The following DACH2 variants were observed in gnomAD, a reference collection of about 807,000 sequenced individuals.
The protein encoded by DACH2 is dachshund family transcription factor 2, also known as dachshund homolog 2.
DACH2 carries 17 observed loss-of-function variants against 35.8 expected under a neutral mutation model. The ratio of observed to expected loss-of-function variants is 0.48; its 90% CI spans 0.33 to 0.71. The LOEUF (loss-of-function observed/expected upper bound fraction) is 0.71. Among genes scored for constraint, DACH2 ranks in the 30% least tolerant of loss-of-function variants. The probability of loss-of-function intolerance (pLI) is 0.02; values close to 1 mark genes in which losing one functional copy is unlikely to be tolerated. For synonymous variants in DACH2, 195 were observed against 177.3 expected (o/e 1.10, Z -0.79); for missense variants, 469 against 472.7 (o/e 0.99, Z 0.07).
chrX:86,401,371 A>ACTGCACCCACTGTC (rs2036426114), intron 2 of DACH2, among the ~76,000 whole-genome samples: 1 of 111,468 alleles, frequency 9.0e-6, no homozygotes, highest in Non-Finnish European at 1.9e-5. Flanking sequence ...TGCACGGTGC[A>ACTGCACCCACTGTC]CTGCACCCAC....
At chrX:86,446,241 C>A (rs188667619) in intron 2 of DACH2, among the ~76,000 whole-genome samples, 1 of 107,591 alleles carries the variant, frequency 9.3e-6, no homozygotes, top group Non-Finnish European at 1.9e-5. Context: ...TTTGTCCTTA[C>A]CTATTAATTC....
chrX:86,392,129 T>A (rs906195726), intron 2 of DACH2, among the ~76,000 whole-genome samples: 3 of 111,549 alleles, frequency 2.7e-5, no homozygotes, highest in Non-Finnish European at 3.8e-5. Flanking sequence ...ATTAATTTTA[T>A]ATTTGTTTTC....
intron 2 of DACH2, among the ~76,000 whole-genome samples, chrX:86,422,724 C>T (rs893069514): frequency 1.8e-5 from 2 of 111,063 alleles, no homozygotes; most frequent in African/African-American, 6.5e-5. Flanking sequence ...TTATGATTGA[C>T]TCTAGTCTCC....
chrX:86,263,155 A>G (rs1176776126), intron 1 of DACH2: 1 of 203,734 alleles, frequency 4.9e-6, no homozygotes, highest in African/African-American at 3.1e-5. Flanking sequence ...GAAAGCAGCT[A>G]TGAATGTATA....
At chrX:86,644,718 C>A (rs1313084346) in intron 3 of DACH2, among the ~76,000 whole-genome samples, 2 of 111,030 alleles carry the variant, frequency 1.8e-5, no homozygotes, top group Non-Finnish European at 3.8e-5. Context: ...AAAACAGGTG[C>A]ATAGACCAAT....
At chrX:86,801,031 G>T (rs759147503) in intron 7 of DACH2, among the ~76,000 whole-genome samples, 33 of 111,015 alleles carry the variant, frequency 3.0e-4, no homozygotes, top group African/African-American at 9.8e-4. Flanking sequence ...TGTGAAAATT[G>T]CAGTGCTTTG....
At chrX:86,554,312 A>G (rs1358974316) in intron 3 of DACH2, among the ~76,000 whole-genome samples, 1 of 111,289 alleles carries the variant, frequency 9.0e-6, no homozygotes, top group African/African-American at 3.3e-5. Flanking sequence ...ACATATATGA[A>G]GTAAGTGTTT....
chrX:86,334,600 G>T (rs1569353626), intron 1 of DACH2, among the ~76,000 whole-genome samples: 1 of 111,756 alleles, frequency 8.9e-6, no homozygotes, highest in Admixed American at 9.5e-5. Flanking sequence ...CTTTTTGATG[G>T]GGTTGTTTGT....
intron 2 of DACH2, among the ~76,000 whole-genome samples, chrX:86,478,237 G>A (rs1199000579): frequency 1.8e-5 from 2 of 111,843 alleles, no homozygotes; most frequent in East Asian, 5.6e-4. Context: ...GCTCATTAAT[G>A]TGCTTTTCTT....
intron 2 of DACH2, among the ~76,000 whole-genome samples, chrX:86,454,491 G>T (rs762362682): frequency 9.0e-6 from 1 of 111,475 alleles, no homozygotes; most frequent in African/African-American, 3.3e-5. Flanking sequence ...TCTTTATTTC[G>T]TATTCTTGTC....
intron 3 of DACH2, among the ~76,000 whole-genome samples, chrX:86,580,256 G>A (rs780828810): frequency 4.5e-5 from 5 of 111,827 alleles, no homozygotes; most frequent in Non-Finnish European, 9.4e-5. Context: ...TTCAAACACT[G>A]AAGGAACATT....
chrX:86,495,342 G>A lies in DACH2; in HGVS notation c.528-18937G>A, dbSNP rs777529444. On this transcript the variant is annotated intron_variant, in intron 2 of 11. Coordinates refer to ENST00000373125, the MANE Select transcript of DACH2 (RefSeq NM_053281.3). ...CAAAGTGCTGGGATTACAGAGGTGA[G>A]CCACTGCATCCAGACTTTTTTTTTT... is the stretch of plus-strand genomic sequence containing the variant. Among the ~76,000 whole-genome samples the A allele has an allele frequency of 4.7e-3, 512 of 109,648 alleles. 2 individuals are homozygous for A. The highest frequency in any genetic ancestry group is 7.8e-3 in the Non-Finnish European group (412 of 52,687).
intron 1 of DACH2, 91 bp from the exon 2 acceptor site, chrX:86,376,733 T>C (rs2035973433): frequency 9.4e-7 from 1 of 1,068,031 alleles, no homozygotes; most frequent in Non-Finnish European, 1.2e-6. Context: ...TTGTGAAATA[T>C]AATAAAGCCT....
chrX:86,182,969 C>CT (rs764891247), intron 1 of DACH2, among the ~76,000 whole-genome samples: 29 of 111,355 alleles, frequency 2.6e-4, no homozygotes, highest in Non-Finnish European at 5.5e-4. Context: ...TGACTTGGTT[C>CT]TTTGTTTCTC....
intron 1 of DACH2, among the ~76,000 whole-genome samples, chrX:86,295,136 G>T (rs992432193): frequency 8.9e-6 from 1 of 112,780 alleles, no homozygotes; most frequent in Non-Finnish European, 1.9e-5. Context: ...CGTTTTTTAA[G>T]CCCATCGGAA....
chrX:86,315,836 CACACAGAG>C (rs1325486655), intron 1 of DACH2, among the ~76,000 whole-genome samples: 1 of 78,047 alleles, frequency 1.3e-5, no homozygotes, highest in East Asian at 4.5e-4. Context: ...CACACACACA[CACACAGAG>C]AGAGAGAGGG....
chrX:86,386,025 T>C (rs1442613430), intron 2 of DACH2, among the ~76,000 whole-genome samples: 2 of 112,082 alleles, frequency 1.8e-5, no homozygotes, highest in African/African-American at 3.2e-5. Flanking sequence ...GAACCAGTAT[T>C]GACACACTGT....
intron 2 of DACH2, among the ~76,000 whole-genome samples, chrX:86,442,502 C>G (rs1421212522): frequency 1.9e-5 from 2 of 105,364 alleles, no homozygotes; most frequent in South Asian, 8.3e-4. Flanking sequence ...TGTAGGTTGT[C>G]TTTTCATTGT....
chrX:86,555,830 T>C lies in DACH2; in HGVS notation c.640+41439T>C, dbSNP rs759685751. On this transcript the variant is annotated intron_variant, in intron 3 of 11. Coordinates refer to ENST00000373125, the MANE Select transcript of DACH2 (RefSeq NM_053281.3). The stretch of plus-strand genomic sequence containing the variant: ...ATGGTGGGTAACGTGTCCATCCCTC[T>C]GGATTTTAATGCAGTACCAGGGGAA... Among the ~76,000 whole-genome samples the C allele has an allele frequency of 8.1e-5, 9 of 111,720 alleles. No homozygotes were observed. The East Asian group carries it at 2.3e-3, about 28-fold the overall frequency.
Sources: gnomAD v4.1 joint callset for allele counts (sites outside exome capture counted in the v4.1 genomes callset) on GRCh38, gnomAD v4.1.1 for gene constraint, MANE v1.5 for transcripts, NCBI Gene and HGNC (gene_info 2026-07-23, HGNC 2026-07-21) for gene names.